Variants in LIN54 observed in about 807,000 individuals in gnomAD.
LIN54 encodes the protein lin-54 DREAM MuvB core complex component, also known as protein lin-54 homolog.
LIN54 carries 9 observed loss-of-function variants against 78.7 expected under a neutral mutation model. The ratio of observed to expected loss-of-function variants is 0.11; its 90% CI spans 0.07 to 0.20. The LOEUF is 0.20. Ranked by LOEUF, LIN54 falls within the 10% of genes least tolerant of loss-of-function variation. The pLI is 1.00. For missense variants in LIN54, 573 were observed against 889.9 expected (o/e 0.64, Z 4.53); for synonymous variants, 269 against 318.4 (o/e 0.84, Z 1.65).
intron 5 of LIN54, among the ~76,000 whole-genome samples, chr4:82,941,149 G>GATATATATATATATATATATAT (rs3081913): frequency 3.1e-4 from 41 of 131,124 alleles, no homozygotes; most frequent in Middle Eastern, 3.8e-3. Flanking sequence ...GAGTTAAGAG[G>GATATATATATATATATATATAT]ATATATATAT....
At chr4:82,949,878 C>T (rs1480543045) in intron 4 of LIN54, among the ~76,000 whole-genome samples, 1 of 142,750 alleles carries the variant, frequency 7.0e-6, no homozygotes, top group Non-Finnish European at 1.5e-5. Flanking sequence ...TGGAGTCTCA[C>T]TCTGTCACCC....
intron 4 of LIN54, among the ~76,000 whole-genome samples, chr4:82,954,056 A>G (rs751610532): frequency 1.3e-5 from 2 of 152,228 alleles, no homozygotes; most frequent in Non-Finnish European, 2.9e-5. Context: ...GGAATGTTAC[A>G]TGTAAAAAAA....
At chr4:82,931,954 G>A (rs1167528819) in intron 11 of LIN54, among the ~76,000 whole-genome samples, 1 of 151,994 alleles carries the variant, frequency 6.6e-6, no homozygotes, top group Non-Finnish European at 1.5e-5. Context: ...CTATTGATGG[G>A]TGTTTATTTT....
chr4:82,964,353 C>A (rs1725041614), intron 4 of LIN54, among the ~76,000 whole-genome samples: 1 of 152,154 alleles, frequency 6.6e-6, no homozygotes, highest in African/African-American at 2.4e-5. Flanking sequence ...GCCCCCCAGC[C>A]ACTTACTCTT....
At chr4:82,938,843 C>A (rs1002754913) in intron 7 of LIN54, among the ~76,000 whole-genome samples, 1 of 152,170 alleles carries the variant, frequency 6.6e-6, no homozygotes, top group African/African-American at 2.4e-5. Flanking sequence ...TGCCTACTTA[C>A]AAATAAAATA....
chr4:82,970,299 G>A, intron 4 of LIN54, 28 bp downstream of exon 4: 1 of 1,593,830 alleles, frequency 6.3e-7, no homozygotes, highest in Non-Finnish European at 8.6e-7. Flanking sequence ...CACAATATTT[G>A]GTATTTGTGG....
At chr4:82,965,870 T>A (rs1725161871) in intron 4 of LIN54, among the ~76,000 whole-genome samples, 1 of 152,122 alleles carries the variant, frequency 6.6e-6, no homozygotes, top group Admixed American at 6.5e-5. Context: ...GGTGAGTGCT[T>A]CAGCTTTCCT....
chr4:82,966,193 T>C (rs1725188306), intron 4 of LIN54, among the ~76,000 whole-genome samples: 1 of 152,118 alleles, frequency 6.6e-6, no homozygotes, highest in Non-Finnish European at 1.5e-5. Flanking sequence ...CTACATTCAG[T>C]TTCACAATGG....
At chr4:82,962,482 G>A (rs1724877851) in intron 4 of LIN54, among the ~76,000 whole-genome samples, 1 of 152,074 alleles carries the variant, frequency 6.6e-6, no homozygotes, top group Non-Finnish European at 1.5e-5. Flanking sequence ...CAGACTCAGA[G>A]ATGATCCAGA....
At chr4:82,980,334 T>A (rs1198893476) in intron 2 of LIN54, among the ~76,000 whole-genome samples, 1 of 152,100 alleles carries the variant, frequency 6.6e-6, no homozygotes, top group Non-Finnish European at 1.5e-5. Context: ...ATTGAGACTG[T>A]AAAAGAACTA....
In LIN54 at chr4:82,925,970, G is replaced by T. The variant is rs1420873223; in HGVS notation, c.*2132C>A. The T allele has an allele frequency of 6.6e-6, 1 of 152,560 alleles. No homozygotes were observed. Among genetic ancestry groups the T allele is most frequent in the East Asian group, 1.9e-4 (1 of 5,198 alleles). The allele number at this position is 152,560 out of a possible 1,614,324, so 9.5% of individuals were successfully genotyped here. On this transcript the variant is annotated 3_prime_UTR_variant, in exon 13 of 13. Coordinates refer to ENST00000340417, the MANE Select transcript of LIN54 (RefSeq NM_194282.4). ...ATGCCTGAATACAAAAAGTTATTTA[G>T]TAAGTACTACACAGGAAGGAAAAGG... is the stretch of plus-strand genomic sequence containing the variant.
chr4:82,954,477 G>A (rs550462555), intron 4 of LIN54, among the ~76,000 whole-genome samples: 2 of 151,566 alleles, frequency 1.3e-5, no homozygotes, highest in Non-Finnish European at 2.9e-5. Flanking sequence ...GAGTTCAGTG[G>A]TGTGATCTTG....
intron 3 of LIN54, among the ~76,000 whole-genome samples, chr4:82,973,435 C>T (rs1388196461): frequency 6.6e-6 from 1 of 152,156 alleles, no homozygotes; most frequent in East Asian, 1.9e-4. Flanking sequence ...CTCCAAATCC[C>T]TATTTATCCT....
chr4:83,010,047 C>T (rs956511619), intron 1 of LIN54, among the ~76,000 whole-genome samples: 1 of 152,126 alleles, frequency 6.6e-6, no homozygotes, highest in Non-Finnish European at 1.5e-5. Context: ...CTAATTCTTA[C>T]AAAACTGGTC....
In LIN54 at chr4:82,925,394, C is replaced by T. The variant is rs1355325853; in HGVS notation, c.*2708G>A. ...TATTTTTAGTAGAGACAGGGTTTCA[C>T]CATGTAGCCTGGGCTGGTCTAGAAC... On this transcript the variant is annotated 3_prime_UTR_variant, in exon 13 of 13. Coordinates refer to ENST00000340417, the MANE Select transcript of LIN54 (RefSeq NM_194282.4). 1 of 152,192 alleles carries T rather than the reference C, an allele frequency of 6.6e-6. No homozygotes were observed. Among genetic ancestry groups the T allele is most frequent in the Non-Finnish European group, 1.5e-5 (1 of 68,052 alleles). 9.4% of individuals were successfully genotyped at this position (152,192 alleles called of 1,614,324 possible). A position where few individuals can be genotyped will look rare whatever the true frequency, so the allele number is the denominator to read the frequency against.
chr4:82,957,960 T>C (rs1724471312), intron 4 of LIN54, among the ~76,000 whole-genome samples: 1 of 152,212 alleles, frequency 6.6e-6, no homozygotes, highest in Admixed American at 6.5e-5. Flanking sequence ...TTTCTTCCTC[T>C]TTCCTCTGCA....
chr4:82,981,937 C>T (rs201321276), intron 2 of LIN54, among the ~76,000 whole-genome samples: 9 of 152,038 alleles, frequency 5.9e-5, no homozygotes, highest in East Asian at 5.8e-4. Context: ...GGGAGGCTGA[C>T]GTGGGAGGAG....
At chr4:82,992,952 CAGG>C (rs1727860582) in intron 1 of LIN54, among the ~76,000 whole-genome samples, 1 of 150,454 alleles carries the variant, frequency 6.6e-6, no homozygotes, top group Non-Finnish European at 1.5e-5. Context: ...GGCGTGAACC[CAGG>C]AGGCGGAGCT....
intron 1 of LIN54, among the ~76,000 whole-genome samples, chr4:82,999,016 C>T (rs1416671783): frequency 2.6e-5 from 4 of 152,184 alleles, no homozygotes; most frequent in Admixed American, 2.0e-4. Flanking sequence ...GTAGTACATA[C>T]TATACTATTG....
Sources: gnomAD v4.1 joint callset for allele counts (sites outside exome capture counted in the v4.1 genomes callset) on GRCh38, gnomAD v4.1.1 for gene constraint, MANE v1.5 for transcripts, NCBI Gene and HGNC (gene_info 2026-07-23, HGNC 2026-07-21) for gene names.